The following ALDH1L2 variants were observed in gnomAD, a reference collection of about 807,000 sequenced individuals.
ALDH1L2 encodes the protein mitochondrial 10-formyltetrahydrofolate dehydrogenase.
In ALDH1L2, 91 loss-of-function variants were observed where a neutral mutation model predicts 111.0. That is an observed-to-expected ratio of 0.82 (90% CI 0.69 to 0.98). The LOEUF (loss-of-function observed/expected upper bound fraction) is 0.98, where lower values mean the gene tolerates loss of function less well. Among genes scored for constraint, ALDH1L2 ranks in the 50% least tolerant of loss-of-function variants. The pLI is 0.00. For synonymous variants in ALDH1L2, 374 were observed against 392.6 expected (o/e 0.95, Z 0.56); for missense variants, 995 against 1,126.8 (o/e 0.88, Z 1.67).
chr12:105,060,944 G>A, intron 9 of ALDH1L2, 37 bp downstream of exon 9: 2 of 1,579,638 alleles, frequency 1.3e-6, no homozygotes, highest in South Asian at 1.1e-5. Flanking sequence ...TCTCTAGTGA[G>A]GGAATCCCTA....
chr12:105,025,608 C>G (rs1191892983), intron 22 of ALDH1L2, among the ~76,000 whole-genome samples: 1 of 152,134 alleles, frequency 6.6e-6, no homozygotes, highest in Non-Finnish European at 1.5e-5. Context: ...ACTTTTACTG[C>G]TGCAAATACA....
chr12:105,067,010 C>T (rs916127667), intron 4 of ALDH1L2, among the ~76,000 whole-genome samples: 4 of 152,002 alleles, frequency 2.6e-5, no homozygotes, highest in Non-Finnish European at 5.9e-5. Flanking sequence ...AGGCGGATCA[C>T]GAAGTCAGGA....
intron 8 of ALDH1L2, among the ~76,000 whole-genome samples, chr12:105,061,399 CT>C (rs1286323627): frequency 1.3e-5 from 2 of 152,198 alleles, no homozygotes; most frequent in African/African-American, 4.8e-5. Context: ...GACTTCACCC[CT>C]AACCCCCGTG....
At chr12:105,033,732 GTTTA>G (rs1459795520) in intron 19 of ALDH1L2, among the ~76,000 whole-genome samples, 9 of 152,082 alleles carry the variant, frequency 5.9e-5, no homozygotes, top group African/African-American at 1.7e-4. Context: ...TCCTGGGGAT[GTTTA>G]TTTATTTAGC....
chr12:105,083,455 T>C lies in ALDH1L2; in HGVS notation c.48+934A>G, dbSNP rs535032206. Among the ~76,000 whole-genome samples, 52 of 152,272 alleles carry C rather than the reference T, an allele frequency of 3.4e-4. 1 individual carries two copies. The highest frequency in any genetic ancestry group is 1.2e-3 in the African/African-American group (51 of 41,540). ...AGAAAGCTTTTCCTTTGATGCAAGT[T>C]TGGGCCAGTTTTTGGTGCTACTCAA... On this transcript the variant is annotated intron_variant, in intron 1 of 22. Coordinates refer to ENST00000258494, the MANE Select transcript of ALDH1L2 (RefSeq NM_001034173.4).
At chr12:105,063,631 G>T (rs1257759485) in intron 6 of ALDH1L2, among the ~76,000 whole-genome samples, 1 of 143,444 alleles carries the variant, frequency 7.0e-6, no homozygotes, top group East Asian at 2.2e-4. Flanking sequence ...GAGATAAAAA[G>T]CTCTCAGCCT....
intron 4 of ALDH1L2, among the ~76,000 whole-genome samples, chr12:105,067,654 C>T (rs1202692240): frequency 3.3e-5 from 5 of 152,144 alleles, no homozygotes; most frequent in Admixed American, 2.0e-4. Context: ...GCGAGGCCCA[C>T]GTGAGTTCAA....
chr12:105,054,389 C>G (rs976566112), intron 10 of ALDH1L2, among the ~76,000 whole-genome samples: 2 of 152,220 alleles, frequency 1.3e-5, no homozygotes, highest in Non-Finnish European at 2.9e-5. Flanking sequence ...TCTCAGAACT[C>G]TGGAAATTAG....
intron 2 of ALDH1L2, 64 bp downstream of exon 2, chr12:105,073,797 A>G (rs894749316): frequency 1.3e-5 from 21 of 1,601,186 alleles, no homozygotes; most frequent in South Asian, 4.5e-5. Flanking sequence ...GGACCATGAG[A>G]TGGAAGTCCA....
At chr12:105,045,191 C>T (rs1875767853) in intron 15 of ALDH1L2, among the ~76,000 whole-genome samples, 1 of 152,142 alleles carries the variant, frequency 6.6e-6, no homozygotes, top group African/African-American at 2.4e-5. Flanking sequence ...TCAAACGATT[C>T]TCCTGCCTCA....
rs760202232 is a variant in ALDH1L2, at chr12:105,046,728, T to A, written c.1845A>T (p.Leu615Phe). The change falls in exon 15 of 23, where the codon TTA becomes TTT. Residue 615 changes from leucine to phenylalanine, a missense_variant. Transcript: ENST00000258494. ...SAACLAAGNTLVLKPAQVTPL... is the reference protein window; with the variant it reads ...SAACLAAGNTFVLKPAQVTPL... ...GCCTTACCTGTGCTGGCTTGAGCAC[T>A]AAGGTATTGCCTGCTGCCAAACACG... is the stretch of plus-strand genomic sequence containing the variant. The A allele has an allele frequency of 1.2e-6, 2 of 1,614,120 alleles. No homozygotes were observed. Among genetic ancestry groups the A allele is most frequent in the Admixed American group, 3.3e-5 (2 of 60,022 alleles).
chr12:105,021,379 C>T lies in ALDH1L2; in HGVS notation c.*3045G>A, dbSNP rs949892525. 6.6e-6 allele frequency: 1 copy of T among 152,496 alleles called. No homozygotes were observed. The highest frequency in any genetic ancestry group is 1.5e-5 in the Non-Finnish European group (1 of 68,324). 9.4% of individuals were successfully genotyped at this position (152,496 alleles called of 1,614,324 possible). ...TTGGGAGGCGGAGGCAGGTGGATCA[C>T]TTGAGGTCAGGAGTTCAAGACCAGC... is the stretch of plus-strand genomic sequence containing the variant. On this transcript the variant is annotated 3_prime_UTR_variant, in exon 23 of 23. Transcript: ENST00000258494.
rs901339597 is a variant in ALDH1L2 at position 105,022,502 on chromosome 12, T to G, written c.*1922A>C. ...AGGCATGTTTTTGTCTGCCATTCCA[T>G]CTATCATTAAAATAATTTGATTAAA... On this transcript the variant is annotated 3_prime_UTR_variant, in exon 23 of 23. Coordinates refer to ENST00000258494, the MANE Select transcript of ALDH1L2 (RefSeq NM_001034173.4). The G allele has an allele frequency of 4.6e-5, 7 of 152,342 alleles. 1 individual carries two copies. Among genetic ancestry groups the G allele is most frequent in the Admixed American group, 1.3e-4 (2 of 15,306 alleles). 9.4% of individuals were successfully genotyped at this position (152,342 alleles called of 1,614,324 possible). A position where few individuals can be genotyped will look rare whatever the true frequency, so the allele number is the denominator to read the frequency against.
intron 18 of ALDH1L2, among the ~76,000 whole-genome samples, chr12:105,035,610 G>A (rs747281876): frequency 2.2e-4 from 34 of 152,042 alleles, no homozygotes; most frequent in Non-Finnish European, 3.7e-4. Context: ...AAGCCACCAC[G>A]TGCAGCCATA....
rs369790504 is a variant in ALDH1L2 at position 105,034,297 on chromosome 12, C to T, written c.2244+3G>A. 16 of 1,613,542 alleles carry T rather than the reference C, an allele frequency of 9.9e-6. No individual in the cohort carries two copies. Among genetic ancestry groups the T allele is most frequent in the Non-Finnish European group, 1.3e-5 (15 of 1,179,798 alleles). On this transcript the variant is annotated splice_donor_region_variant and intron_variant, in intron 19 of 22. Transcript: ENST00000258494. ...ACTCAGAGTAAATGTGAAGGTGCCT[C>T]ACCACTCTTGTCACAAATTCGTCGT...
chr12:105,058,989 C>T (rs951580010), intron 9 of ALDH1L2, among the ~76,000 whole-genome samples: 14 of 151,760 alleles, frequency 9.2e-5, no homozygotes, highest in African/African-American at 3.4e-4. Flanking sequence ...ACAGTACTGG[C>T]CGGGTGCGGT....
At chr12:105,060,335 T>G (rs976438990) in intron 9 of ALDH1L2, 3 of 152,164 alleles carry the variant, frequency 2.0e-5, no homozygotes, top group Non-Finnish European at 2.9e-5. Context: ...ACCCAGAGCT[T>G]CTCAATTCTG....
rs941515647 is a variant in ALDH1L2, at chr12:105,022,732, GCT to G, written c.*1690_*1691del. On this transcript the variant is annotated 3_prime_UTR_variant, in exon 23 of 23. Transcript: ENST00000258494. Reference sequence around the variant, plus strand: ...TCAAAAGTGCTTCCAGGCCAAATTCGCTCTGTTTATCATGCTGGGATCAAACC... The same window carrying G: ...TCAAAAGTGCTTCCAGGCCAAATTCGCTGTTTATCATGCTGGGATCAAACC... The G allele has an allele frequency of 1.2e-4, 19 of 152,150 alleles. No homozygotes were observed. The highest frequency in any genetic ancestry group is 4.6e-4 in the African/African-American group (19 of 41,502). The allele number at this position is 152,150 out of a possible 1,614,324, so 9.4% of individuals were successfully genotyped here.
Position 105,070,729 on chromosome 12 carries a change from TC to T in ALDH1L2, c.268del (p.Glu90LysfsTer13), listed in dbSNP as rs1251676495. 6.2e-7 allele frequency: 1 copy of T among 1,614,052 alleles called. No individual in the cohort carries two copies. The highest frequency in any genetic ancestry group is 1.3e-5 in the African/African-American group (1 of 74,910). ...CACGGATCTGTAGGCTTCTGCCACT[TC>T]TTTGATGGTCTTGCCCTTGACCCTC... ...KWRVKGKTIKEVAEAYRSVGA... is the reference protein window; with the variant it reads ...KWRVKGKTIKXVAEAYRSVGA... On this transcript the variant is annotated frameshift_variant, in exon 3 of 23. Transcript: ENST00000258494. LOFTEE classifies it high-confidence loss of function.
Sources: gnomAD v4.1 joint callset for allele counts (sites outside exome capture counted in the v4.1 genomes callset) on GRCh38, gnomAD v4.1.1 for gene constraint, MANE v1.5 for transcripts, NCBI Gene and HGNC (gene_info 2026-07-23, HGNC 2026-07-21) for gene names.